Variants in REDIC1 observed in about 807,000 individuals in gnomAD.
The protein encoded by REDIC1 is HEI10 Interacting Protein 1.
chr12:39,846,197 A>G, the REDIC1 span, among the ~76,000 whole-genome samples: 1 of 152,266 alleles, frequency 6.6e-6, no homozygotes, highest in South Asian at 2.1e-4. Flanking sequence ...AGAAAAACCA[A>G]GGTGGTGAAT....
At chr12:39,721,076 G>T in the REDIC1 span, 1 of 1,613,678 alleles carries the variant, frequency 6.2e-7, no homozygotes, top group South Asian at 1.1e-5. Flanking sequence ...TGTGATGCAG[G>T]GATACAAACA....
At chr12:39,712,613 AT>A in the REDIC1 span, among the ~76,000 whole-genome samples, 1 of 145,346 alleles carries the variant, frequency 6.9e-6, no homozygotes, top group African/African-American at 2.5e-5. Flanking sequence ...ATATGTATAT[AT>A]AGATATGTGT....
chr12:39,765,418 C>T, the REDIC1 span, among the ~76,000 whole-genome samples: 7 of 151,976 alleles, frequency 4.6e-5, no homozygotes, highest in Non-Finnish European at 1.0e-4. Context: ...CCTTCTTAAT[C>T]CATAGTAAAG....
the REDIC1 span, among the ~76,000 whole-genome samples, chr12:39,800,319 G>C: frequency 1.8e-4 from 27 of 152,310 alleles, no homozygotes; most frequent in African/African-American, 5.5e-4. Flanking sequence ...GTATTTCCAA[G>C]GGGGGATTGA....
At chr12:39,860,888 G>C in the REDIC1 span, among the ~76,000 whole-genome samples, 1 of 152,008 alleles carries the variant, frequency 6.6e-6, no homozygotes, top group Non-Finnish European at 1.5e-5. Flanking sequence ...CACCCACCCA[G>C]AGACAGTTTA....
At chr12:39,734,254 C>G in the REDIC1 span, among the ~76,000 whole-genome samples, 1 of 152,166 alleles carries the variant, frequency 6.6e-6, no homozygotes, top group African/African-American at 2.4e-5. Flanking sequence ...TCTAACCAGT[C>G]CCAGTAGGAT....
At chr12:39,902,600 A>G in the REDIC1 span, among the ~76,000 whole-genome samples, 1 of 152,112 alleles carries the variant, frequency 6.6e-6, no homozygotes, top group African/African-American at 2.4e-5. Context: ...TGTCCTCACA[A>G]AAGTGAAATC....
At chr12:39,683,336 A>T in the REDIC1 span, 9 of 1,171,408 alleles carry the variant, frequency 7.7e-6, no homozygotes, top group Non-Finnish European at 1.1e-5. Flanking sequence ...TGTACGTGTC[A>T]TGTGAATATG....
chr12:39,899,256 A>G, the REDIC1 span, among the ~76,000 whole-genome samples: 1 of 152,080 alleles, frequency 6.6e-6, no homozygotes, highest in South Asian at 2.1e-4. Flanking sequence ...TAGATTTTCT[A>G]GTTTATTTGC....
At chr12:39,709,981 T>G in the REDIC1 span, among the ~76,000 whole-genome samples, 1 of 151,838 alleles carries the variant, frequency 6.6e-6, no homozygotes, top group Non-Finnish European at 1.5e-5. Context: ...CTTGCCAATA[T>G]TTATTATTTT....
At chr12:39,630,298 A>G in the REDIC1 span, among the ~76,000 whole-genome samples, 2 of 152,222 alleles carry the variant, frequency 1.3e-5, no homozygotes, top group African/African-American at 4.8e-5. Context: ...AGATCTATAA[A>G]TATACCACTA....
At chr12:39,894,458 C>T in the REDIC1 span, among the ~76,000 whole-genome samples, 2 of 152,140 alleles carry the variant, frequency 1.3e-5, no homozygotes, top group African/African-American at 2.4e-5. Flanking sequence ...AAAGGACTTA[C>T]TCAATATAAA....
chr12:39,750,819 C>G, the REDIC1 span, among the ~76,000 whole-genome samples: 3 of 152,172 alleles, frequency 2.0e-5, no homozygotes, highest in Admixed American at 6.5e-5. Flanking sequence ...GGAAACGATT[C>G]CCTATTTAAT....
chr12:39,630,828 T>G, the REDIC1 span, among the ~76,000 whole-genome samples: 3 of 152,146 alleles, frequency 2.0e-5, no homozygotes, highest in Admixed American at 2.0e-4. Context: ...AAGTTGAAAA[T>G]TTATTCTTCG....
chr12:39,682,907 G>T, the REDIC1 span: 1 of 1,612,724 alleles, frequency 6.2e-7, no homozygotes, highest in South Asian at 1.1e-5. Flanking sequence ...GATAGTATGG[G>T]AGATACTTGT....
chr12:39,659,182 C>T, the REDIC1 span, among the ~76,000 whole-genome samples: 2 of 151,798 alleles, frequency 1.3e-5, no homozygotes, highest in African/African-American at 4.8e-5. Flanking sequence ...CTGTCATTAT[C>T]TTAATATCTG....
chr12:39,730,378 G>C, the REDIC1 span, among the ~76,000 whole-genome samples: 1 of 152,148 alleles, frequency 6.6e-6, no homozygotes, highest in Admixed American at 6.5e-5. Flanking sequence ...TTCAGCATTT[G>C]CTTGTCTCTA....
At chr12:39,649,371 T>G in the REDIC1 span, among the ~76,000 whole-genome samples, 1 of 151,926 alleles carries the variant, frequency 6.6e-6, no homozygotes, top group African/African-American at 2.4e-5. Flanking sequence ...GACTTGGGGT[T>G]TCCTGATCCT....
At chr12:39,859,018 A>C in the REDIC1 span, among the ~76,000 whole-genome samples, 2 of 152,194 alleles carry the variant, frequency 1.3e-5, no homozygotes, top group Admixed American at 6.5e-5. Flanking sequence ...CAAAAGGAGA[A>C]GAAAAGGCAG....
Sources: allele counts gnomAD v4.1 joint callset (sites outside exome capture counted in the v4.1 genomes callset), GRCh38; gene constraint gnomAD v4.1.1; transcripts MANE v1.5; gene names NCBI Gene and HGNC (gene_info 2026-07-23, HGNC 2026-07-21).